CDH8: variants seen among roughly 807,000 people sequenced by gnomAD.
CDH8 encodes the protein cadherin 8, also known as cadherin-8.
In CDH8, 17 loss-of-function variants were observed where a neutral mutation model predicts 68.1. The observed-to-expected ratio is 0.25, with a 90% CI of 0.17 to 0.37. The LOEUF (loss-of-function observed/expected upper bound fraction) is 0.37. Ranked by LOEUF, CDH8 falls within the 10% of genes least tolerant of loss-of-function variation. CDH8 has a pLI of 1.00. For missense variants in CDH8, 763 were observed against 999.3 expected (o/e 0.76, Z 3.19); for synonymous variants, 372 against 365.1 (o/e 1.02, Z -0.21).
At chr16:62,002,315 A>C (rs1481073457) in intron 2 of CDH8, among the ~76,000 whole-genome samples, 1 of 152,188 alleles carries the variant, frequency 6.6e-6, no homozygotes, top group Non-Finnish European at 1.5e-5. Context: ...TTTTTATAAG[A>C]GACTATATAT....
At chr16:62,028,633 G>C (rs897625457) in intron 1 of CDH8, among the ~76,000 whole-genome samples, 3 of 151,860 alleles carry the variant, frequency 2.0e-5, no homozygotes, top group African/African-American at 7.3e-5. Context: ...TCTAGAACCA[G>C]ACCTTTACTT....
At chr16:61,675,618 T>TAA (rs1179475637) in intron 10 of CDH8, among the ~76,000 whole-genome samples, 1 of 82,396 alleles carries the variant, frequency 1.2e-5, no homozygotes, top group Admixed American at 1.1e-4. Context: ...ATAAAAAAAA[T>TAA]AAAAAAAATA....
chr16:61,907,547 G>A (rs776113106), intron 2 of CDH8, among the ~76,000 whole-genome samples: 2 of 151,964 alleles, frequency 1.3e-5, no homozygotes, highest in African/African-American at 2.4e-5. Flanking sequence ...GGGCATGGTG[G>A]TGCACGCCTG....
At chr16:62,032,123 G>A (rs1314937021) in intron 1 of CDH8, 1 of 152,114 alleles carries the variant, frequency 6.6e-6, no homozygotes, top group African/African-American at 2.4e-5. Context: ...ATAAACATAC[G>A]TGTATTAGAT....
intron 10 of CDH8, among the ~76,000 whole-genome samples, chr16:61,677,826 G>A (rs752507784): frequency 2.6e-5 from 4 of 151,988 alleles, no homozygotes; most frequent in Admixed American, 6.6e-5. Context: ...TAACCTGAAC[G>A]TCTGGTTCAG....
intron 7 of CDH8, among the ~76,000 whole-genome samples, chr16:61,808,682 C>T (rs1289048937): frequency 6.6e-6 from 1 of 152,172 alleles, no homozygotes; most frequent in Non-Finnish European, 1.5e-5. Context: ...TTTTAGGGAG[C>T]TTTGAGACAG....
At chr16:61,731,787 T>C (rs1010635229) in intron 8 of CDH8, among the ~76,000 whole-genome samples, 1 of 151,726 alleles carries the variant, frequency 6.6e-6, no homozygotes, top group Admixed American at 6.6e-5. Context: ...AGAAATCATA[T>C]GTGAGAGTGA....
chr16:61,728,843 G>A (rs1277288727), intron 8 of CDH8, among the ~76,000 whole-genome samples: 1 of 150,702 alleles, frequency 6.6e-6, no homozygotes, highest in African/African-American at 2.4e-5. Context: ...GTGTGACTCT[G>A]AGCAATTAAT....
intron 3 of CDH8, among the ~76,000 whole-genome samples, chr16:61,889,430 A>G (rs890668881): frequency 6.6e-6 from 1 of 152,208 alleles, no homozygotes; most frequent in Non-Finnish European, 1.5e-5. Context: ...ACATGGATAC[A>G]AGGAGACTCG....
chr16:61,754,016 C>A (rs1164540482), intron 8 of CDH8, among the ~76,000 whole-genome samples: 1 of 152,126 alleles, frequency 6.6e-6, no homozygotes, highest in Non-Finnish European at 1.5e-5. Flanking sequence ...GAAATGAATG[C>A]AGGACTCCCA....
At chr16:61,988,695 G>A (rs73568713) in intron 2 of CDH8, among the ~76,000 whole-genome samples, 1,699 of 152,242 alleles carry the variant, frequency 0.011, 33 homozygotes, top group African/African-American at 0.038. Context: ...AGTTTACTAT[G>A]TTTGTTATAA....
intron 6 of CDH8, among the ~76,000 whole-genome samples, chr16:61,818,249 G>C (rs753515213): frequency 4.6e-5 from 7 of 152,058 alleles, no homozygotes; most frequent in African/African-American, 1.2e-4. Flanking sequence ...TCCCCACAAA[G>C]AGTATTTTCT....
At chr16:61,954,178 T>G (rs1964945723) in intron 2 of CDH8, among the ~76,000 whole-genome samples, 1 of 151,990 alleles carries the variant, frequency 6.6e-6, no homozygotes, top group African/African-American at 2.4e-5. Context: ...CATATCTTGC[T>G]AAAACACATT....
rs147207224 is a variant in CDH8 at position 61,821,006 on chromosome 16, T to G, written c.943A>C (p.Ile315Leu). The change falls in exon 6 of 12, where the codon ATC (isoleucine) becomes CTC (leucine). Residue 315 changes from isoleucine to leucine, a missense_variant. Physicochemically the swap from Ile to Leu is conservative, Grantham distance 5 (BLOSUM62 2). Coordinates refer to ENST00000577390, the MANE Select transcript of CDH8 (RefSeq NM_001796.5). ...AGTGCTGTTCCATCTCCATCGATGA[T>G]ATCATATGATGACTGTGCATTTTCA... ...IGENAQSSYDIIDGDGTALFE... is the reference protein window; with the variant it reads ...IGENAQSSYDLIDGDGTALFE... The G allele has an allele frequency of 6.2e-7, 1 of 1,612,572 alleles. No homozygotes were observed. The highest frequency in any genetic ancestry group is 1.3e-5 in the African/African-American group (1 of 74,858).
intron 1 of CDH8, among the ~76,000 whole-genome samples, chr16:62,033,336 C>T (rs1182855690): frequency 2.0e-5 from 3 of 152,168 alleles, no homozygotes; most frequent in African/African-American, 7.2e-5. Context: ...AATTCCTTCC[C>T]TTCAGAGTTG....
chr16:61,666,854 C>T (rs1319869509), intron 10 of CDH8, among the ~76,000 whole-genome samples: 1 of 151,848 alleles, frequency 6.6e-6, no homozygotes, highest in Non-Finnish European at 1.5e-5. Flanking sequence ...AATACCAAAT[C>T]CAGAAATTTT....
chr16:61,784,833 G>A (rs1031621497), intron 8 of CDH8, among the ~76,000 whole-genome samples: 4 of 152,106 alleles, frequency 2.6e-5, no homozygotes, highest in Admixed American at 1.3e-4. Flanking sequence ...GCTCCTGAAT[G>A]ACTACTGGGT....
At chr16:61,826,820 G>A (rs1024018201) in intron 4 of CDH8, among the ~76,000 whole-genome samples, 1 of 151,734 alleles carries the variant, frequency 6.6e-6, no homozygotes, top group Non-Finnish European at 1.5e-5. Context: ...CACTTTATTA[G>A]ACTCTGACAC....
intron 10 of CDH8, among the ~76,000 whole-genome samples, chr16:61,689,989 A>G (rs1219580540): frequency 6.6e-6 from 1 of 152,070 alleles, no homozygotes; most frequent in Non-Finnish European, 1.5e-5. Context: ...ACCTCAGTTA[A>G]CCAGTTACAC....
Sources: gnomAD v4.1 joint callset for allele counts (sites outside exome capture counted in the v4.1 genomes callset) on GRCh38, gnomAD v4.1.1 for gene constraint, MANE v1.5 for transcripts, NCBI Gene and HGNC (gene_info 2026-07-23, HGNC 2026-07-21) for gene names.